Variants in FYN observed in about 807,000 individuals in gnomAD.
FYN encodes FYN proto-oncogene, Src family tyrosine kinase, also known as tyrosine-protein kinase Fyn.
FYN carries 10 observed loss-of-function variants against 70.2 expected under a neutral mutation model. The observed-to-expected ratio is 0.14, with a 90% CI of 0.09 to 0.24. FYN has a LOEUF of 0.24. Ranked by LOEUF, FYN falls within the 10% of genes least tolerant of loss-of-function variation. The pLI is 1.00. For synonymous variants in FYN, 236 were observed against 248.6 expected (o/e 0.95, Z 0.48); for missense variants, 319 against 673.1 (o/e 0.47, Z 5.82).
intron 9 of FYN, among the ~76,000 whole-genome samples, chr6:111,699,047 C>T (rs1434062476): frequency 1.3e-5 from 2 of 152,220 alleles, no homozygotes; most frequent in Non-Finnish European, 2.9e-5. Context: ...CGCGCCATTG[C>T]ACTCCAGCCT....
chr6:111,701,504 G>A (rs561193992), intron 8 of FYN, among the ~76,000 whole-genome samples: 1 of 152,288 alleles, frequency 6.6e-6, no homozygotes, highest in African/African-American at 2.4e-5. Flanking sequence ...TTGTGTGAGA[G>A]AGAAAGAGGG....
At chr6:111,810,838 C>T (rs1346660083) in intron 2 of FYN, among the ~76,000 whole-genome samples, 1 of 152,244 alleles carries the variant, frequency 6.6e-6, no homozygotes, top group Non-Finnish European at 1.5e-5. Flanking sequence ...CTCTTCCTTA[C>T]ACTCGCGCTT....
intron 1 of FYN, among the ~76,000 whole-genome samples, chr6:111,862,342 T>G (rs1773986523): frequency 6.6e-6 from 1 of 152,192 alleles, no homozygotes; most frequent in African/African-American, 2.4e-5. Context: ...ACACATATCA[T>G]TCTCAAAATG....
intron 1 of FYN, among the ~76,000 whole-genome samples, chr6:111,869,270 G>C (rs1774203075): frequency 6.6e-6 from 1 of 152,252 alleles, no homozygotes; most frequent in Non-Finnish European, 1.5e-5. Context: ...ATGTGGGCCT[G>C]AAGAGCTGGC....
intron 3 of FYN, among the ~76,000 whole-genome samples, chr6:111,738,169 C>T (rs527628570): frequency 6.6e-5 from 10 of 152,142 alleles, no homozygotes; most frequent in South Asian, 6.2e-4. Context: ...GCTAGCAGGA[C>T]GTCAACAATT....
intron 13 of FYN, among the ~76,000 whole-genome samples, chr6:111,666,253 T>C (rs142026353): frequency 0.017 from 2,618 of 152,220 alleles, 70 homozygotes; most frequent in African/African-American, 0.06. Context: ...GGTTTCCTAG[T>C]GGGAGCTGCA....
chr6:111,869,938 T>TA (rs1384036928), intron 1 of FYN, among the ~76,000 whole-genome samples: 1 of 152,240 alleles, frequency 6.6e-6, no homozygotes, highest in Non-Finnish European at 1.5e-5. Context: ...GATCTAAACT[T>TA]ATAAAATCAA....
chr6:111,668,584 G>A (rs1798114971), intron 13 of FYN, among the ~76,000 whole-genome samples: 1 of 151,832 alleles, frequency 6.6e-6, no homozygotes, highest in Non-Finnish European at 1.5e-5. Context: ...AGAACAAGGA[G>A]CACGTGAGGC....
chr6:111,708,670 G>A (rs757901073), intron 5 of FYN, among the ~76,000 whole-genome samples: 21 of 152,182 alleles, frequency 1.4e-4, no homozygotes, highest in Non-Finnish European at 2.5e-4. Context: ...TCCATCAAAT[G>A]TCCAGAGCAC....
At chr6:111,814,555 C>CA (rs2114326735) in intron 2 of FYN, among the ~76,000 whole-genome samples, 1 of 151,704 alleles carries the variant, frequency 6.6e-6, no homozygotes, top group South Asian at 2.1e-4. Flanking sequence ...AAAAATTCTG[C>CA]AAAAAATTTT....
chr6:111,815,333 TAAC>T (rs1396900457), intron 2 of FYN, among the ~76,000 whole-genome samples: 1 of 152,214 alleles, frequency 6.6e-6, no homozygotes, highest in Non-Finnish European at 1.5e-5. Context: ...TCTGATTGCA[TAAC>T]AAGCAGGAGA....
chr6:111,707,829 T>C lies in FYN; in HGVS notation c.443+93A>G, dbSNP rs573009806. 2.3e-5 allele frequency: 23 copies of C among 993,660 alleles called. No homozygotes were observed. In the South Asian group the frequency reaches 3.1e-4, roughly 13 times the overall value. The allele number at this position is 993,660 out of a possible 1,614,324, so 61.6% of individuals were successfully genotyped here. A position where few individuals can be genotyped will look rare whatever the true frequency, so the allele number is the denominator to read the frequency against. ...ACTCAGCCTTAATCACTGCTGTGAA[T>C]TTCTTCTCCCTCCTGCCCAATGCTG... is the stretch of plus-strand genomic sequence containing the variant. On this transcript the variant is annotated intron_variant, in intron 6 of 13. Transcript: ENST00000354650.
At chr6:111,857,631 T>C (rs1773856462) in intron 1 of FYN, among the ~76,000 whole-genome samples, 1 of 152,208 alleles carries the variant, frequency 6.6e-6, no homozygotes, top group Non-Finnish European at 1.5e-5. Flanking sequence ...TATAAAAAGA[T>C]GTTACTTTAT....
chr6:111,699,486 G>A (rs768588234), intron 9 of FYN: 18 of 1,603,370 alleles, frequency 1.1e-5, no homozygotes, highest in Non-Finnish European at 1.3e-5. Context: ...TTGAGATGCA[G>A]CCAAAACAAA....
chr6:111,806,110 C>T (rs1469331849), intron 2 of FYN, among the ~76,000 whole-genome samples: 2 of 152,134 alleles, frequency 1.3e-5, no homozygotes. Flanking sequence ...TCCTAGGGTG[C>T]CCCAGCACTA....
rs1482239073 is a variant in FYN at position 111,692,107 on chromosome 6, C to CG, written c.1273+2267_1273+2268insC. Among the ~76,000 whole-genome samples, 18 of 148,368 alleles carry CG rather than the reference C, an allele frequency of 1.2e-4. No homozygotes were observed. The Middle Eastern group carries it at 0.017, about 142-fold the overall frequency. ...TGCCTTGCCAAGCTTCATTTCCCCC[C>CG]CCCCCAGTTCAGCTCTCCAGTTCAC... On this transcript the variant is annotated intron_variant, in intron 12 of 13. Transcript: ENST00000354650.
chr6:111,762,131 G>GA (rs143763211), intron 3 of FYN, among the ~76,000 whole-genome samples: 111 of 152,248 alleles, frequency 7.3e-4, no homozygotes, highest in African/African-American at 2.6e-3. Context: ...GCTTGAACTG[G>GA]AAAAAATAAC....
intron 4 of FYN, among the ~76,000 whole-genome samples, chr6:111,714,797 A>T (rs1424348382): frequency 6.6e-6 from 1 of 152,212 alleles, no homozygotes; most frequent in South Asian, 2.1e-4. Context: ...GCAGTTACTG[A>T]CATCCTTTGC....
chr6:111,682,709 A>C (rs893931282), intron 12 of FYN, among the ~76,000 whole-genome samples: 3 of 152,176 alleles, frequency 2.0e-5, no homozygotes, highest in Non-Finnish European at 4.4e-5. Context: ...CATTTAGGAA[A>C]GGAGCTTCCG....
Sources: gnomAD v4.1 joint callset for allele counts (sites outside exome capture counted in the v4.1 genomes callset) on GRCh38, gnomAD v4.1.1 for gene constraint, MANE v1.5 for transcripts, NCBI Gene and HGNC (gene_info 2026-07-23, HGNC 2026-07-21) for gene names.